TMEM131L: variants seen among roughly 807,000 people sequenced by gnomAD.
The protein encoded by TMEM131L is transmembrane protein 131-like.
A neutral mutation model predicts 192.2 loss-of-function variants in TMEM131L; 54 were observed. That is an observed-to-expected ratio of 0.28 (90% confidence interval 0.23 to 0.35). The LOEUF is 0.35. Ranked by LOEUF, TMEM131L falls within the 10% of genes least tolerant of loss-of-function variation. TMEM131L has a pLI of 1.00. For missense variants in TMEM131L, 1,888 were observed against 1,972.9 expected, an observed-to-expected ratio of 0.96 and a Z score of 0.82; for synonymous variants, 701 against 704.9, an observed-to-expected ratio of 0.99 and a Z score of 0.09.
intron 7 of TMEM131L, among the ~76,000 whole-genome samples, chr4:153,572,649 C>A (rs2150630885): frequency 6.6e-6 from 1 of 152,244 alleles, no homozygotes; most frequent in Admixed American, 6.5e-5. Context: ...TTATTTTAAA[C>A]CATTTCAGCT....
At position 153,507,195 on chromosome 4, in the gene TMEM131L, G is replaced by T. The variant is rs189740949; in HGVS notation, c.239+33307G>T. 1.1e-3 allele frequency among the ~76,000 whole-genome samples: 172 copies of T among 152,316 alleles called. 2 individuals carry two copies. The highest frequency in any genetic ancestry group is 4.0e-3 in the African/African-American group (165 of 41,560). ...GTTTATGGCCCATCAGAGCTATCCAGTGTTGGGTTGAAATGGCCAGGCTTG... is the reference window on the plus strand; with the variant it reads ...GTTTATGGCCCATCAGAGCTATCCATTGTTGGGTTGAAATGGCCAGGCTTG... On this transcript the variant is annotated intron_variant, in intron 3 of 34. Coordinates refer to ENST00000409959, the MANE Select transcript of TMEM131L (RefSeq NM_001131007.2).
In TMEM131L at chr4:153,540,892, G is replaced by A. The variant is rs554780284; in HGVS notation, c.240-9181G>A. On this transcript the variant is annotated intron_variant, in intron 3 of 34. Transcript: ENST00000409959. ...AGACTCCCTTATCTGCTTAGGGTTC[G>A]TGTGAATTTCTGCTTTGGCTTCTTT... Among the ~76,000 whole-genome samples, 165 of 152,266 alleles carry A rather than the reference G, an allele frequency of 1.1e-3. 1 individual carries two copies. The highest frequency in any genetic ancestry group is 3.8e-3 in the African/African-American group (156 of 41,556).
intron 3 of TMEM131L, among the ~76,000 whole-genome samples, chr4:153,524,258 C>G (rs1416812276): frequency 1.3e-5 from 2 of 151,904 alleles, no homozygotes; most frequent in Non-Finnish European, 1.5e-5. Context: ...GCATGTAGCC[C>G]AAGGACTCTG....
At chr4:153,483,564 G>A (rs2149812235) in intron 3 of TMEM131L, among the ~76,000 whole-genome samples, 1 of 152,236 alleles carries the variant, frequency 6.6e-6, no homozygotes, top group South Asian at 2.1e-4. Context: ...GTGGGGCGTG[G>A]TGATGTGCAC....
At chr4:153,470,736 A>G (rs1287195984) in intron 2 of TMEM131L, among the ~76,000 whole-genome samples, 1 of 152,172 alleles carries the variant, frequency 6.6e-6, no homozygotes, top group Non-Finnish European at 1.5e-5. Flanking sequence ...CTGCGATTCC[A>G]TGTGATCCAC....
chr4:153,515,383 A>C (rs1229993547), intron 3 of TMEM131L, among the ~76,000 whole-genome samples: 2 of 152,186 alleles, frequency 1.3e-5, no homozygotes, highest in African/African-American at 2.4e-5. Context: ...ATTTAGCTTA[A>C]TGTTTTCGGG....
intron 7 of TMEM131L, among the ~76,000 whole-genome samples, chr4:153,577,964 A>G (rs994766224): frequency 1.3e-5 from 2 of 152,192 alleles, no homozygotes; most frequent in African/African-American, 2.4e-5. Flanking sequence ...GCATGCCAAC[A>G]AGCTCCCCTG....
At chr4:153,557,172 G>T (rs912357701) in intron 6 of TMEM131L, 90 bp downstream of exon 6, 13 of 682,508 alleles carry the variant, frequency 1.9e-5, no homozygotes, top group Non-Finnish European at 3.4e-5. Context: ...TTTTGGAAAT[G>T]TTGTCACCTG....
rs146566147 is a variant in TMEM131L, at chr4:153,558,617, G to A, written c.660+249G>A. 2.2e-5 allele frequency: 6 copies of A among 274,070 alleles called. No homozygotes were observed. The South Asian group carries it at 3.1e-4, about 14-fold the overall frequency. The allele number at this position is 274,070 out of a possible 1,614,324, so 17.0% of individuals were successfully genotyped here. ...TTTCCTGTTTTTCACTGTTATTACCGTTAGGCCATATACCTATTTTATAAG... is the reference window on the plus strand; with the variant it reads ...TTTCCTGTTTTTCACTGTTATTACCATTAGGCCATATACCTATTTTATAAG... On this transcript the variant is annotated intron_variant, in intron 7 of 34. Coordinates refer to ENST00000409959, the MANE Select transcript of TMEM131L (RefSeq NM_001131007.2).
intron 4 of TMEM131L, among the ~76,000 whole-genome samples, chr4:153,551,017 A>G (rs1737579915): frequency 1.3e-5 from 2 of 152,246 alleles, no homozygotes; most frequent in South Asian, 2.1e-4. Context: ...TGAAAGCAAC[A>G]TAAGGACTCT....
intron 3 of TMEM131L, among the ~76,000 whole-genome samples, chr4:153,518,864 C>G (rs555752982): frequency 6.6e-6 from 1 of 152,250 alleles, no homozygotes; most frequent in South Asian, 2.1e-4. Context: ...TCTATCCTAA[C>G]GGTGCCTGCC....
At chr4:153,612,479 A>G (rs1228196000) in intron 26 of TMEM131L, 79 bp downstream of exon 26, 1 of 1,078,742 alleles carries the variant, frequency 9.3e-7, no homozygotes, top group African/African-American at 1.6e-5. Flanking sequence ...TGTATTTCAT[A>G]TGTTTCACTG....
chr4:153,490,780 C>T (rs1342909152), intron 3 of TMEM131L, among the ~76,000 whole-genome samples: 2 of 151,806 alleles, frequency 1.3e-5, no homozygotes, highest in African/African-American at 4.8e-5. Flanking sequence ...ATGGTGAAAC[C>T]CCATCTCTAC....
intron 14 of TMEM131L, 46 bp downstream of exon 14, chr4:153,586,425 T>G (rs1730706155): frequency 7.0e-7 from 1 of 1,423,792 alleles, no homozygotes; most frequent in Admixed American, 2.5e-5. Flanking sequence ...TCTTAATTAC[T>G]GTTGCTTTTT....
At chr4:153,473,364 A>G (rs771624202) in intron 2 of TMEM131L, among the ~76,000 whole-genome samples, 1 of 152,248 alleles carries the variant, frequency 6.6e-6, no homozygotes, top group Non-Finnish European at 1.5e-5. Flanking sequence ...TTTGTCTTCT[A>G]ATACAGCCGG....
At chr4:153,579,832 G>A (rs549729586) in intron 7 of TMEM131L, among the ~76,000 whole-genome samples, 2 of 152,246 alleles carry the variant, frequency 1.3e-5, no homozygotes, top group African/African-American at 4.8e-5. Context: ...AGTTTAAAAT[G>A]TATTCTTTTA....
At chr4:153,606,391 G>A (rs552527825) in intron 25 of TMEM131L, among the ~76,000 whole-genome samples, 5 of 152,300 alleles carry the variant, frequency 3.3e-5, no homozygotes, top group African/African-American at 9.6e-5. Flanking sequence ...TGCAATGCCC[G>A]TGGCAGTGTG....
chr4:153,517,746 G>A (rs1580119923), intron 3 of TMEM131L, among the ~76,000 whole-genome samples: 1 of 152,218 alleles, frequency 6.6e-6, no homozygotes, highest in Admixed American at 6.5e-5. Flanking sequence ...TGTGTGCAGT[G>A]TCTGTGTATA....
chr4:153,594,717 A>G (rs1260156659), intron 19 of TMEM131L, among the ~76,000 whole-genome samples: 2 of 152,156 alleles, frequency 1.3e-5, no homozygotes, highest in Non-Finnish European at 2.9e-5. Context: ...ACCACAGATA[A>G]CCCATTACCA....
Sources: gnomAD v4.1 joint callset for allele counts (sites outside exome capture counted in the v4.1 genomes callset) on GRCh38, gnomAD v4.1.1 for gene constraint, MANE v1.5 for transcripts, NCBI Gene and HGNC (gene_info 2026-07-23, HGNC 2026-07-21) for gene names.